EBF1: variants seen among roughly 807,000 people sequenced by gnomAD.
EBF1 encodes the protein EBF transcription factor 1, also known as transcription factor COE1.
In EBF1, 10 loss-of-function variants were observed where a neutral mutation model predicts 68.4. The observed-to-expected ratio is 0.15, with a 90% CI of 0.09 to 0.25. EBF1 has a LOEUF of 0.25. EBF1 is among the 10% of genes least tolerant of loss of function. The pLI, the probability that EBF1 is intolerant of heterozygous loss-of-function variation, is 1.00. For missense variants in EBF1, 509 were observed against 794.4 expected (o/e 0.64, Z 4.32); for synonymous variants, 298 against 299.8 (o/e 0.99, Z 0.06).
chr5:159,031,209 A>G (rs1768771658), intron 6 of EBF1, among the ~76,000 whole-genome samples: 1 of 152,228 alleles, frequency 6.6e-6, no homozygotes, highest in Non-Finnish European at 1.5e-5. Flanking sequence ...AGTACAGCCC[A>G]GGGACAGGCT....
intron 6 of EBF1, among the ~76,000 whole-genome samples, chr5:158,879,999 A>G (rs1798574910): frequency 6.6e-6 from 1 of 152,244 alleles, no homozygotes; most frequent in Non-Finnish European, 1.5e-5. Flanking sequence ...ATGGAAGTGC[A>G]GATGGGTTAA....
intron 6 of EBF1, among the ~76,000 whole-genome samples, chr5:158,922,746 A>T (rs1350499680): frequency 2.0e-5 from 3 of 152,190 alleles, no homozygotes; most frequent in Admixed American, 6.5e-5. Context: ...TTTAATGTGC[A>T]TTTTTTGAAA....
intron 10 of EBF1, among the ~76,000 whole-genome samples, chr5:158,761,079 A>G (rs1771336324): frequency 6.6e-6 from 1 of 152,228 alleles, no homozygotes; most frequent in South Asian, 2.1e-4. Context: ...CCCAAACAGC[A>G]CAAAGCTGAA....
chr5:158,995,665 G>C (rs527667057), intron 6 of EBF1, among the ~76,000 whole-genome samples: 2 of 152,110 alleles, frequency 1.3e-5, no homozygotes, highest in African/African-American at 4.8e-5. Flanking sequence ...TACCCTCTCC[G>C]ACCTTCTTAC....
At chr5:158,731,345 G>A (rs554035459) in intron 10 of EBF1, among the ~76,000 whole-genome samples, 188 bp from the exon 11 acceptor site, 2 of 152,274 alleles carry the variant, frequency 1.3e-5, no homozygotes, top group Admixed American at 1.3e-4. Flanking sequence ...TACCACGGTG[G>A]GGAGTGACCC....
chr5:159,088,297 C>T (rs1781068205), intron 4 of EBF1, among the ~76,000 whole-genome samples: 1 of 152,030 alleles, frequency 6.6e-6, no homozygotes. Flanking sequence ...AGAGTGGCAA[C>T]AATAAGAATT....
chr5:158,826,259 C>T (rs1483032812), intron 7 of EBF1, among the ~76,000 whole-genome samples: 1 of 141,978 alleles, frequency 7.0e-6, no homozygotes, highest in Non-Finnish European at 1.6e-5. Context: ...TAGAATTTCA[C>T]GATATCTGTT....
chr5:158,790,568 G>C (rs17056223), intron 9 of EBF1, among the ~76,000 whole-genome samples: 1 of 151,994 alleles, frequency 6.6e-6, no homozygotes, highest in Admixed American at 6.6e-5. Context: ...AAGTATTTGC[G>C]GTGCATGCTA....
intron 6 of EBF1, among the ~76,000 whole-genome samples, chr5:158,923,817 C>T (rs759419325): frequency 1.3e-5 from 2 of 152,272 alleles, no homozygotes; most frequent in East Asian, 3.9e-4. Flanking sequence ...TCTCAAATTT[C>T]GTGAACTAGT....
intron 6 of EBF1, among the ~76,000 whole-genome samples, chr5:159,045,527 C>A (rs1011256592): frequency 1.7e-4 from 26 of 151,946 alleles, no homozygotes; most frequent in African/African-American, 6.0e-4. Flanking sequence ...ATTTACTTAA[C>A]AAATCCACAA....
rs1168540165 is a variant in EBF1 at position 158,796,688 on chromosome 5, G to A, written c.779-213C>T. Among the ~76,000 whole-genome samples the A allele has an allele frequency of 2.6e-5, 4 of 152,232 alleles. No individual in the cohort carries two copies. In the East Asian group the frequency reaches 7.7e-4, roughly 29 times the overall value. On this transcript the variant is annotated intron_variant, in intron 8 of 15. Coordinates refer to ENST00000313708, the MANE Select transcript of EBF1 (RefSeq NM_024007.5). ...GCATTCTTTTCATTGTTTCTATTAA[G>A]ATACATATATTTTACCCAAATCTTT...
chr5:158,795,603 G>T (rs1377144310), intron 9 of EBF1, among the ~76,000 whole-genome samples: 1 of 152,188 alleles, frequency 6.6e-6, no homozygotes, highest in South Asian at 2.1e-4. Flanking sequence ...AGAAACTGGG[G>T]CTCAGAACTG....
rs557238739 is a variant in EBF1, at chr5:159,050,202, C to T, written c.554+23194G>A. Among the ~76,000 whole-genome samples the T allele has an allele frequency of 2.7e-5, 4 of 147,858 alleles. No homozygotes were observed. The East Asian group carries it at 8.1e-4, about 30-fold the overall frequency. ...TCTCTTCTCTCTTTTCTCTCTCTCT[C>T]CTCTCCTCCCTCTCTCTCTCCTCTC... On this transcript the variant is annotated intron_variant, in intron 6 of 15. Coordinates refer to ENST00000313708, the MANE Select transcript of EBF1 (RefSeq NM_024007.5).
chr5:158,753,748 A>T (rs1470068249), intron 10 of EBF1, among the ~76,000 whole-genome samples: 1 of 152,142 alleles, frequency 6.6e-6, no homozygotes, highest in Non-Finnish European at 1.5e-5. Flanking sequence ...AAAGTTGTTG[A>T]TCTTCATTGA....
chr5:158,769,224 C>T (rs1035250095), intron 10 of EBF1, among the ~76,000 whole-genome samples: 9 of 152,138 alleles, frequency 5.9e-5, no homozygotes, highest in Admixed American at 2.6e-4. Context: ...TGAATGGGAC[C>T]GTTGGTTATG....
chr5:158,953,390 A>C (rs1042014278), intron 6 of EBF1, among the ~76,000 whole-genome samples: 2 of 152,184 alleles, frequency 1.3e-5, no homozygotes, highest in Non-Finnish European at 2.9e-5. Context: ...AGAGATCATC[A>C]TGCTACCCAG....
chr5:159,000,273 T>G (rs755584836), intron 6 of EBF1, among the ~76,000 whole-genome samples: 12 of 152,206 alleles, frequency 7.9e-5, no homozygotes, highest in Non-Finnish European at 1.2e-4. Context: ...TTTTTAAATA[T>G]TAAATTTTAT....
chr5:159,021,561 C>T (rs1221612314), intron 6 of EBF1, among the ~76,000 whole-genome samples: 1 of 152,196 alleles, frequency 6.6e-6, no homozygotes, highest in African/African-American at 2.4e-5. Flanking sequence ...CAGGCAATCC[C>T]GTGTGTGAGC....
intron 11 of EBF1, among the ~76,000 whole-genome samples, chr5:158,719,759 C>T (rs542163041): frequency 7.4e-4 from 113 of 152,262 alleles, no homozygotes; most frequent in African/African-American, 2.5e-3. Context: ...TACACGAACA[C>T]AACATTAATT....
Sources: allele counts gnomAD v4.1 joint callset (sites outside exome capture counted in the v4.1 genomes callset), GRCh38; gene constraint gnomAD v4.1.1; transcripts MANE v1.5; gene names NCBI Gene and HGNC (gene_info 2026-07-23, HGNC 2026-07-21).